Variants in LARGE1 observed in about 807,000 individuals in gnomAD.
LARGE1 encodes xylosyl- and glucuronyltransferase LARGE1.
A neutral mutation model predicts 87.6 loss-of-function variants in LARGE1; 43 were observed. That is an observed-to-expected ratio of 0.49 (90% CI 0.38 to 0.63). LARGE1 has a LOEUF of 0.63. Ranked by LOEUF, LARGE1 falls within the 30% of genes least tolerant of loss-of-function variation. The pLI is 0.00. For synonymous variants in LARGE1, 434 were observed against 394.6 expected, an observed-to-expected ratio of 1.10 and a Z score of -1.18; for missense variants, 802 against 1,000.2, an observed-to-expected ratio of 0.80 and a Z score of 2.67.
intron 1 of LARGE1, among the ~76,000 whole-genome samples, chr22:33,794,608 CA>C (rs2085923617): frequency 6.6e-6 from 1 of 152,166 alleles, no homozygotes; most frequent in Admixed American, 6.5e-5. Context: ...CTCATTTCCT[CA>C]AAGTGGGAAA....
chr22:33,483,223 C>T (rs2148218939), intron 6 of LARGE1, among the ~76,000 whole-genome samples: 1 of 152,292 alleles, frequency 6.6e-6, no homozygotes, highest in Middle Eastern at 3.4e-3. Context: ...GCTCGGCAGA[C>T]AGGCCTCACC....
At chr22:33,134,246 A>T in the LARGE1 span, among the ~76,000 whole-genome samples, 4 of 147,878 alleles carry the variant, frequency 2.7e-5, no homozygotes, top group East Asian at 8.0e-4. Context: ...TGCACTCACA[A>T]AGAACTCCCT....
chr22:33,203,372 T>C (rs1924510984), intron 11 of LARGE1, among the ~76,000 whole-genome samples: 1 of 152,194 alleles, frequency 6.6e-6, no homozygotes, highest in Non-Finnish European at 1.5e-5. Context: ...GGAACCAGGC[T>C]TGTGAATTAG....
chr22:33,663,567 A>T (rs757860104), intron 2 of LARGE1, among the ~76,000 whole-genome samples: 3 of 152,158 alleles, frequency 2.0e-5, no homozygotes, highest in Non-Finnish European at 4.4e-5. Context: ...TTCTGACCCC[A>T]AAAAGAAAAG....
chr22:33,803,618 A>G (rs2086228055), intron 1 of LARGE1, among the ~76,000 whole-genome samples: 1 of 152,210 alleles, frequency 6.6e-6, no homozygotes, highest in Admixed American at 6.5e-5. Context: ...GAGTAGAACC[A>G]GCAAAGGAAG....
intron 9 of LARGE1, among the ~76,000 whole-genome samples, chr22:33,349,442 A>G (rs1940145292): frequency 2.0e-5 from 3 of 152,318 alleles, no homozygotes; most frequent in South Asian, 2.1e-4. Flanking sequence ...CCATTCCCAC[A>G]TGATTCTCTC....
intron 1 of LARGE1, among the ~76,000 whole-genome samples, chr22:33,825,670 T>G (rs1001191456): frequency 4.6e-5 from 7 of 152,170 alleles, no homozygotes; most frequent in Admixed American, 6.6e-5. Context: ...CCTCCCACTG[T>G]GTCCCTCCCA....
chr22:33,354,958 TTTA>T (rs1468114215), intron 9 of LARGE1, among the ~76,000 whole-genome samples: 5 of 152,140 alleles, frequency 3.3e-5, no homozygotes, highest in South Asian at 4.1e-4. Flanking sequence ...AGCAAAAGGG[TTTA>T]TTATTACTAA....
chr22:33,504,566 T>A (rs191489954), intron 6 of LARGE1, among the ~76,000 whole-genome samples: 265 of 152,304 alleles, frequency 1.7e-3, no homozygotes, highest in Non-Finnish European at 2.6e-3. Flanking sequence ...ATATCTTTTT[T>A]AAAAAGGATA....
At chr22:33,904,958 G>A (rs1399422620) in intron 1 of LARGE1, among the ~76,000 whole-genome samples, 2 of 150,310 alleles carry the variant, frequency 1.3e-5, no homozygotes, top group African/African-American at 2.4e-5. Context: ...ATATTCAGGT[G>A]TATAAGGGTC....
the LARGE1 span, among the ~76,000 whole-genome samples, chr22:33,087,830 G>A: frequency 6.6e-6 from 1 of 152,194 alleles, no homozygotes; most frequent in African/African-American, 2.4e-5. Context: ...AGCTACTCGG[G>A]AGGCTGAGGC....
At chr22:33,670,041 TTACAAAAACTCTTCTCC>T (rs2081366019) in intron 2 of LARGE1, among the ~76,000 whole-genome samples, 1 of 152,132 alleles carries the variant, frequency 6.6e-6, no homozygotes, top group South Asian at 2.1e-4. Flanking sequence ...GGTCAGGATT[TTACAAAAACTCTTCTCC>T]TACAAATGAA....
chr22:33,200,776 G>A (rs546639222), intron 11 of LARGE1, among the ~76,000 whole-genome samples: 1 of 152,292 alleles, frequency 6.6e-6, no homozygotes, highest in South Asian at 2.1e-4. Flanking sequence ...AAGACAGAAA[G>A]TAAATCAATG....
chr22:33,654,692 G>A (rs1429827947), intron 2 of LARGE1, among the ~76,000 whole-genome samples: 3 of 152,092 alleles, frequency 2.0e-5, no homozygotes, highest in Non-Finnish European at 4.4e-5. Flanking sequence ...TCCCAGGAAC[G>A]CTCCTCAAGC....
chr22:33,185,491 T>G (rs961320401), intron 11 of LARGE1, among the ~76,000 whole-genome samples: 1 of 152,198 alleles, frequency 6.6e-6, no homozygotes, highest in African/African-American at 2.4e-5. Context: ...CAACTCATTA[T>G]AAAGTCATAG....
intron 2 of LARGE1, among the ~76,000 whole-genome samples, chr22:33,697,700 G>A (rs559123953): frequency 4.6e-5 from 7 of 152,158 alleles, no homozygotes; most frequent in East Asian, 3.9e-4. Flanking sequence ...CTTCTTCTGC[G>A]GTGCGCTGCA....
chr22:33,419,337 T>C (rs2066611758), intron 7 of LARGE1, among the ~76,000 whole-genome samples: 1 of 151,746 alleles, frequency 6.6e-6, no homozygotes, highest in South Asian at 2.1e-4. Context: ...GGCCTGACCA[T>C]ATCAACCACT....
chr22:33,104,361 G>T, the LARGE1 span, among the ~76,000 whole-genome samples: 2 of 152,216 alleles, frequency 1.3e-5, no homozygotes, highest in African/African-American at 4.8e-5. Flanking sequence ...TGTTGGAGAT[G>T]AAAGTATTAC....
intron 12 of LARGE1, among the ~76,000 whole-genome samples, chr22:33,291,910 T>G (rs985729574): frequency 2.6e-5 from 4 of 152,060 alleles, no homozygotes; most frequent in Admixed American, 2.6e-4. Flanking sequence ...TTGGCCAACA[T>G]AGTGAAACCC....
Sources: gnomAD v4.1 joint callset for allele counts (sites outside exome capture counted in the v4.1 genomes callset) on GRCh38, gnomAD v4.1.1 for gene constraint, MANE v1.5 for transcripts, NCBI Gene and HGNC (gene_info 2026-07-23, HGNC 2026-07-21) for gene names.